Variants in RNF32 observed in about 807,000 individuals in gnomAD.
The protein encoded by RNF32 is ring finger protein 32.
RNF32 carries 36 observed loss-of-function variants against 41.0 expected under a neutral mutation model. The ratio of observed to expected loss-of-function variants is 0.88; its 90% CI spans 0.67 to 1.16. The LOEUF (loss-of-function observed/expected upper bound fraction) is 1.16, where lower values mean the gene tolerates loss of function less well. RNF32 is among the 50% of genes most tolerant of loss of function. The probability of loss-of-function intolerance (pLI) is 0.00; values close to 1 mark genes in which losing one functional copy is unlikely to be tolerated. For synonymous variants in RNF32, 154 were observed against 160.9 expected, an observed-to-expected ratio of 0.96 and a Z score of 0.32; for missense variants, 413 against 436.7, an observed-to-expected ratio of 0.95 and a Z score of 0.48.
intron 3 of RNF32, 136 bp downstream of exon 3, chr7:156,644,893 G>A: frequency 4.6e-6 from 4 of 875,406 alleles, no homozygotes; most frequent in Non-Finnish European, 6.7e-6. Context: ...TTGAAGGTAT[G>A]TATGTATTGA....
At chr7:156,654,168 CCA>C (rs1799233788) in intron 3 of RNF32, 1 of 151,932 alleles carries the variant, frequency 6.6e-6, no homozygotes, top group Non-Finnish European at 1.5e-5. Context: ...GGTTTGGCAT[CCA>C]CAGATTCAAC....
Position 156,675,856 on chromosome 7 carries a change from A to C in RNF32, c.845A>C (p.Gln282Pro). The C allele has an allele frequency of 6.2e-7, 1 of 1,613,294 alleles. No homozygotes were observed. The highest frequency in any genetic ancestry group is 8.5e-7 in the Non-Finnish European group (1 of 1,179,508). ...EITEEEWEKIQVQALRRETHE... is the reference protein window; with the variant it reads ...EITEEEWEKIPVQALRRETHE... The stretch of plus-strand genomic sequence containing the variant: ...ACAGAAGAGGAATGGGAGAAAATCC[A>C]AGTGCAGGTAGGTTTGGCTGGCAGC... The change falls in exon 8 of 9, where the codon CAA becomes CCA. Residue 282 changes from glutamine (Q) to proline (P), a missense_variant. By Grantham distance (76) the Gln-to-Pro change is moderately conservative. Coordinates refer to ENST00000317955, the MANE Select transcript of RNF32 (RefSeq NM_030936.4).
intron 2 of RNF32, 92 bp downstream of exon 2, chr7:156,643,984 AC>A: frequency 8.7e-7 from 1 of 1,143,822 alleles, no homozygotes; most frequent in South Asian, 1.3e-5. Flanking sequence ...TAGTTTGCAA[AC>A]CCTGCTTGAA....
intron 7 of RNF32, among the ~76,000 whole-genome samples, chr7:156,667,396 A>G (rs548436214): frequency 1.3e-5 from 2 of 152,366 alleles, no homozygotes; most frequent in Non-Finnish European, 2.9e-5. Context: ...ATTGTTTTAC[A>G]TATCAATAAC....
intron 7 of RNF32, among the ~76,000 whole-genome samples, chr7:156,665,817 A>G (rs1801264735): frequency 6.6e-6 from 1 of 152,200 alleles, no homozygotes; most frequent in Non-Finnish European, 1.5e-5. Context: ...TTTTAAACTT[A>G]CCTTACCAAG....
chr7:156,646,509 TACA>T, intron 3 of RNF32: 2 of 1,295,660 alleles, frequency 1.5e-6, no homozygotes, highest in Non-Finnish European at 2.0e-6. Context: ...TCATCTTAAC[TACA>T]TCTGCAAAGA....
At chr7:156,657,181 G>T (rs909388384) in intron 4 of RNF32, among the ~76,000 whole-genome samples, 8 of 152,160 alleles carry the variant, frequency 5.3e-5, no homozygotes, top group Non-Finnish European at 1.0e-4. Flanking sequence ...TTTACTTAGC[G>T]TTTCCCTGGC....
chr7:156,660,930 G>C (rs1300383436), intron 7 of RNF32, among the ~76,000 whole-genome samples: 1 of 152,220 alleles, frequency 6.6e-6, no homozygotes, highest in Non-Finnish European at 1.5e-5. Flanking sequence ...GTGATATCTT[G>C]AAGTGGGGGT....
chr7:156,643,227 C>G, intron 1 of RNF32: 1 of 152,492 alleles, frequency 6.6e-6, no homozygotes. Flanking sequence ...CAGTATCTTG[C>G]GCAGCAAAGC....
Position 156,654,717 on chromosome 7 carries a change from A to G in RNF32, c.416A>G (p.Gln139Arg). The G allele has an allele frequency of 6.2e-7, 1 of 1,613,306 alleles. No individual in the cohort carries two copies. The highest frequency in any genetic ancestry group is 1.1e-5 in the South Asian group (1 of 91,052). Reference protein sequence around the residue: ...ICKEEFELRPQVLLSCSHVFH... With the variant: ...ICKEEFELRPRVLLSCSHVFH... ...AAAGAAGAATTCGAGCTTCGTCCTC[A>G]GGTGTTTAGCATACGAGGGTGAGCT... Residue 139 changes from glutamine to arginine, a missense_variant and splice_region_variant, in exon 4 of 9, where the codon CAG becomes CGG. Gln to Arg is a conservative substitution (Grantham distance 43). Transcript: ENST00000317955.
intron 4 of RNF32, among the ~76,000 whole-genome samples, chr7:156,655,213 G>A (rs1356320438): frequency 1.3e-5 from 2 of 150,492 alleles, no homozygotes; most frequent in Non-Finnish European, 3.0e-5. Flanking sequence ...TACTACTCTG[G>A]GTTAACAGAT....
intron 3 of RNF32, among the ~76,000 whole-genome samples, chr7:156,652,660 G>A (rs1798904607): frequency 6.6e-6 from 1 of 151,896 alleles, no homozygotes; most frequent in African/African-American, 2.4e-5. Flanking sequence ...AGGCTAATAT[G>A]TGTGTTTGTG....
chr7:156,654,472 T>A, intron 3 of RNF32, 104 bp from the exon 4 acceptor site: 6 of 910,588 alleles, frequency 6.6e-6, no homozygotes, highest in Non-Finnish European at 6.7e-6. Context: ...GTGATCTATA[T>A]GTAGTTCTTT....
intron 7 of RNF32, among the ~76,000 whole-genome samples, chr7:156,671,840 A>T (rs964070892): frequency 1.3e-5 from 2 of 151,858 alleles, no homozygotes; most frequent in South Asian, 2.1e-4. Context: ...CTAGAAATAA[A>T]TTTTTTTTAA....
In RNF32 at chr7:156,652,837, C is replaced by T. The variant is rs368393683; in HGVS notation, c.275-1739C>T. Among the ~76,000 whole-genome samples the T allele has an allele frequency of 5.9e-5, 9 of 152,256 alleles. No individual in the cohort carries two copies. The South Asian group carries it at 1.0e-3, about 18-fold the overall frequency. On this transcript the variant is annotated intron_variant, in intron 3 of 8. Coordinates refer to ENST00000317955, the MANE Select transcript of RNF32 (RefSeq NM_030936.4). ...TCAGGAGGCTGAGGTGGGAGGATAG[C>T]TTGAGCCCAGGAGACACAGCCTGCA...
At chr7:156,657,371 T>C (rs1226016571) in intron 4 of RNF32, 170 bp from the exon 5 acceptor site, 32 of 649,460 alleles carry the variant, frequency 4.9e-5, no homozygotes, top group Non-Finnish European at 7.7e-5. Flanking sequence ...TTAGAGTATA[T>C]ACTTGTGCTG....
At chr7:156,668,743 TCA>T (rs1801794924) in intron 7 of RNF32, among the ~76,000 whole-genome samples, 1 of 152,222 alleles carries the variant, frequency 6.6e-6, no homozygotes, top group East Asian at 1.9e-4. Context: ...CCAGTGTTTG[TCA>T]TCCAGACCAT....
At chr7:156,659,407 T>G (rs1400301930) in intron 7 of RNF32, 44 of 985,682 alleles carry the variant, frequency 4.5e-5, no homozygotes, top group Non-Finnish European at 5.3e-5. Flanking sequence ...GTGTTCATTC[T>G]CAATTTGGTA....
chr7:156,640,849 T>G, intron 1 of RNF32, 38 bp downstream of exon 1: 1 of 194,154 alleles, frequency 5.2e-6, no homozygotes, highest in African/African-American at 2.4e-5. Flanking sequence ...GAAAGAAGGG[T>G]GGCCCGCCAG....
Sources: gnomAD v4.1 joint callset for allele counts (sites outside exome capture counted in the v4.1 genomes callset) on GRCh38, gnomAD v4.1.1 for gene constraint, MANE v1.5 for transcripts, NCBI Gene and HGNC (gene_info 2026-07-23, HGNC 2026-07-21) for gene names.